The following L3MBTL4 variants were observed in gnomAD, a reference collection of about 807,000 sequenced individuals.
L3MBTL4 encodes the protein L3MBTL histone methyl-lysine binding protein 4.
In L3MBTL4, 70 loss-of-function variants were observed where a neutral mutation model predicts 84.5. The ratio of observed to expected loss-of-function variants is 0.83; its 90% CI spans 0.68 to 1.01. The LOEUF (loss-of-function observed/expected upper bound fraction) is 1.01, where lower values mean the gene tolerates loss of function less well. Among genes scored for constraint, L3MBTL4 ranks in the 50% least tolerant of loss-of-function variants. The pLI is 0.00. For missense variants in L3MBTL4, 715 were observed against 754.8 expected, an observed-to-expected ratio of 0.95 and a Z score of 0.62; for synonymous variants, 274 against 259.8, an observed-to-expected ratio of 1.05 and a Z score of -0.52.
chr18:6,318,684 G>A (rs889728791), intron 1 of L3MBTL4, among the ~76,000 whole-genome samples: 1 of 151,702 alleles, frequency 6.6e-6, no homozygotes, highest in Non-Finnish European at 1.5e-5. Flanking sequence ...ATAATACTGG[G>A]GGACTTCAAC....
chr18:6,317,470 C>T (rs366999), intron 1 of L3MBTL4, among the ~76,000 whole-genome samples: 28,203 of 151,822 alleles, frequency 0.19, 2,717 homozygotes, highest in Middle Eastern at 0.22. Context: ...GCATGGGAAA[C>T]TTTAACAACA....
chr18:6,284,563 G>A (rs901904836), intron 4 of L3MBTL4, among the ~76,000 whole-genome samples: 5 of 152,350 alleles, frequency 3.3e-5, no homozygotes, highest in African/African-American at 9.6e-5. Context: ...CCGCCACCTT[G>A]GAGGGGACGC....
chr18:6,260,484 T>C (rs1436339532), intron 5 of L3MBTL4: 1 of 152,212 alleles, frequency 6.6e-6, no homozygotes, highest in East Asian at 1.9e-4. Flanking sequence ...TAGTTCTCCT[T>C]GAAAAGATCT....
intron 16 of L3MBTL4, among the ~76,000 whole-genome samples, chr18:6,035,932 T>G (rs1029956359): frequency 4.6e-5 from 7 of 152,150 alleles, no homozygotes; most frequent in African/African-American, 1.7e-4. Flanking sequence ...AGGCAAGAAA[T>G]AACTAAAACC....
Position 6,069,127 on chromosome 18 carries a change from A to G in L3MBTL4, c.1444+11754T>C, listed in dbSNP as rs141743211. On this transcript the variant is annotated intron_variant, in intron 16 of 18. Transcript: ENST00000317931. ...TGGAGATGGCAGGGCAGTTACATAC[A>G]CTCTGTGAGATTTCTTGGTTGGAGA... Among the ~76,000 whole-genome samples, 17 of 152,226 alleles carry G rather than the reference A, an allele frequency of 1.1e-4. No homozygotes were observed. The East Asian group carries it at 3.3e-3, about 29-fold the overall frequency.
At chr18:6,039,136 C>T (rs908219047) in intron 16 of L3MBTL4, among the ~76,000 whole-genome samples, 2 of 152,002 alleles carry the variant, frequency 1.3e-5, no homozygotes, top group Non-Finnish European at 2.9e-5. Flanking sequence ...AGAGAAGAGG[C>T]CCCAGAATCA....
intron 5 of L3MBTL4, among the ~76,000 whole-genome samples, chr18:6,258,290 G>A (rs527289951): frequency 5.9e-5 from 9 of 152,354 alleles, no homozygotes; most frequent in South Asian, 4.1e-4. Context: ...ATGCCTGCAC[G>A]CTGAGGCTGT....
chr18:5,983,402 T>C (rs1170839537), intron 16 of L3MBTL4, among the ~76,000 whole-genome samples: 1 of 152,146 alleles, frequency 6.6e-6, no homozygotes, highest in African/African-American at 2.4e-5. Flanking sequence ...ATTAGAGAAG[T>C]CAGTGGTAAC....
intron 13 of L3MBTL4, among the ~76,000 whole-genome samples, chr18:6,152,991 T>C (rs1359167456): frequency 6.6e-6 from 1 of 152,200 alleles, no homozygotes; most frequent in Non-Finnish European, 1.5e-5. Context: ...TAAAGAGATT[T>C]CCTTTCCCTA....
intron 12 of L3MBTL4, among the ~76,000 whole-genome samples, chr18:6,212,818 C>T (rs200055383): frequency 6.6e-6 from 1 of 152,200 alleles, no homozygotes; most frequent in African/African-American, 2.4e-5. Context: ...TCCCCCTGCA[C>T]ATACACATAA....
chr18:6,024,928 G>A (rs896058467), intron 16 of L3MBTL4, among the ~76,000 whole-genome samples: 3 of 152,128 alleles, frequency 2.0e-5, no homozygotes, highest in Non-Finnish European at 2.9e-5. Flanking sequence ...AGTTCACTAC[G>A]CCTCCTGCAT....
At position 6,305,714 on chromosome 18, in the gene L3MBTL4, T is replaced by C. The variant is rs144965300; in HGVS notation, c.73-3757A>G. Among the ~76,000 whole-genome samples the C allele has an allele frequency of 1.5e-3, 224 of 152,268 alleles. 1 individual carries two copies. The highest frequency in any genetic ancestry group is 5.2e-3 in the African/African-American group (217 of 41,560). On this transcript the variant is annotated intron_variant, in intron 3 of 18. Transcript: ENST00000317931. The stretch of plus-strand genomic sequence containing the variant: ...TACATTTCCACTCACCAGGTTAAAA[T>C]CCATCATTTTGGAAGACAGGATTAT...
intron 11 of L3MBTL4, among the ~76,000 whole-genome samples, chr18:6,215,220 T>C (rs2046273323): frequency 6.6e-6 from 1 of 152,232 alleles, no homozygotes; most frequent in African/African-American, 2.4e-5. Flanking sequence ...CTGTACTACC[T>C]ATGTACTTTA....
At chr18:5,961,143 A>T (rs1239231852) in intron 17 of L3MBTL4, among the ~76,000 whole-genome samples, 2 of 152,192 alleles carry the variant, frequency 1.3e-5, no homozygotes, top group Non-Finnish European at 2.9e-5. Context: ...TGTCAACCGA[A>T]TTGTGTGTGC....
chr18:6,291,427 T>A (rs61511691), intron 4 of L3MBTL4, among the ~76,000 whole-genome samples: 28,718 of 152,048 alleles, frequency 0.19, 2,847 homozygotes, highest in African/African-American at 0.24. Flanking sequence ...TGGAGGCATC[T>A]CACTACCTGA....
At chr18:6,349,432 G>A (rs1276250588) in intron 1 of L3MBTL4, among the ~76,000 whole-genome samples, 4 of 152,136 alleles carry the variant, frequency 2.6e-5, no homozygotes, top group East Asian at 1.9e-4. Flanking sequence ...AGCCAAACAC[G>A]AAAGAATACA....
intron 13 of L3MBTL4, among the ~76,000 whole-genome samples, chr18:6,148,968 T>C (rs1007864106): frequency 6.6e-6 from 1 of 152,158 alleles, no homozygotes; most frequent in African/African-American, 2.4e-5. Flanking sequence ...GTGATTAAAA[T>C]ATATTTATCT....
intron 16 of L3MBTL4, among the ~76,000 whole-genome samples, chr18:6,027,465 T>C (rs2055564545): frequency 6.6e-6 from 1 of 152,240 alleles, no homozygotes. Flanking sequence ...GTTCTAAGTC[T>C]TTGCTACTGT....
chr18:6,236,567 C>T (rs1033555396), intron 10 of L3MBTL4, among the ~76,000 whole-genome samples: 1 of 152,284 alleles, frequency 6.6e-6, no homozygotes. Context: ...AAGAAGCATT[C>T]CATGTCTCTA....
Sources: gnomAD v4.1 joint callset for allele counts (sites outside exome capture counted in the v4.1 genomes callset) on GRCh38, gnomAD v4.1.1 for gene constraint, MANE v1.5 for transcripts, NCBI Gene and HGNC (gene_info 2026-07-23, HGNC 2026-07-21) for gene names.